LIX1L: variants seen among roughly 807,000 people sequenced by gnomAD.
LIX1L encodes the protein limb and CNS expressed 1 like.
A neutral mutation model predicts 34.0 loss-of-function variants in LIX1L; 20 were observed. That is an observed-to-expected ratio of 0.59 (90% CI 0.41 to 0.85). The LOEUF (loss-of-function observed/expected upper bound fraction) is 0.85. Ranked by LOEUF, LIX1L falls within the 40% of genes least tolerant of loss-of-function variation. The pLI is 0.00. For missense variants in LIX1L, 397 were observed against 447.0 expected (o/e 0.89, Z 1.01); for synonymous variants, 170 against 187.4 (o/e 0.91, Z 0.76).
chr1:145,946,118 CAAAA>C (rs1248654845), intron 2 of LIX1L, among the ~76,000 whole-genome samples: 1 of 146,120 alleles, frequency 6.8e-6, no homozygotes, highest in African/African-American at 2.5e-5. Flanking sequence ...AACAAAAAAA[CAAAA>C]AAACAAAAAA....
At chr1:145,954,637 C>T (rs587669374) in intron 1 of LIX1L, among the ~76,000 whole-genome samples, 1 of 152,130 alleles carries the variant, frequency 6.6e-6, no homozygotes, top group South Asian at 2.1e-4. Flanking sequence ...GTGAGTTACT[C>T]GATCCTGCCA....
rs61202396 is a variant in LIX1L at position 145,954,544 on chromosome 1, C to T, written c.292+3092G>A. On this transcript the variant is annotated intron_variant, in intron 1 of 5. Transcript: ENST00000604000. ...CAGGGCAAAATCTCCAATCATGCAG[C>T]CATATTGTAACATAAAAGGATAGCA... Among the ~76,000 whole-genome samples, 112 of 152,240 alleles carry T rather than the reference C, an allele frequency of 7.4e-4. 1 individual carries two copies. In the East Asian group the frequency reaches 0.016, roughly 21 times the overall value.
chr1:145,954,626 A>G (rs1553760186), intron 1 of LIX1L, among the ~76,000 whole-genome samples: 1 of 152,232 alleles, frequency 6.6e-6, no homozygotes, highest in African/African-American at 2.4e-5. Context: ...GAGCAAGGAA[A>G]GTGAGTTACT....
Position 145,936,176 on chromosome 1 carries a change from G to A in LIX1L, c.*134C>T. On this transcript the variant is annotated 3_prime_UTR_variant, in exon 6 of 6. Transcript: ENST00000604000. ...GATCTCTTAGCAAATAGGAATCTAGGTGTAGAATTTATACACATATATATT... is the reference window on the plus strand; with the variant it reads ...GATCTCTTAGCAAATAGGAATCTAGATGTAGAATTTATACACATATATATT... The A allele has an allele frequency of 1.0e-6, 1 of 1,002,616 alleles. No individual in the cohort carries two copies. The highest frequency in any genetic ancestry group is 1.8e-5 in the South Asian group (1 of 54,370). The allele number at this position is 1,002,616 out of a possible 1,614,324, so 62.1% of individuals were successfully genotyped here. A position where few individuals can be genotyped will look rare whatever the true frequency, so the allele number is the denominator to read the frequency against.
At chr1:145,950,873 C>T (rs1649276375) in intron 1 of LIX1L, among the ~76,000 whole-genome samples, 1 of 152,110 alleles carries the variant, frequency 6.6e-6, no homozygotes, top group Non-Finnish European at 1.5e-5. Context: ...TATGGATGAC[C>T]CAGAGTGGGC....
At chr1:145,953,831 A>T (rs868979194) in intron 1 of LIX1L, among the ~76,000 whole-genome samples, 7 of 152,174 alleles carry the variant, frequency 4.6e-5, no homozygotes, top group African/African-American at 7.2e-5. Flanking sequence ...AAGCAGGATG[A>T]TCACTTGAGG....
chr1:145,945,598 A>T (rs1333343467), intron 2 of LIX1L, among the ~76,000 whole-genome samples: 8 of 151,618 alleles, frequency 5.3e-5, no homozygotes, highest in African/African-American at 1.9e-4. Flanking sequence ...AATACAAAAA[A>T]TTAGCTGAGC....
intron 3 of LIX1L, among the ~76,000 whole-genome samples, chr1:145,940,528 C>CT (rs1229568570): frequency 4.3e-4 from 41 of 95,296 alleles, no homozygotes; most frequent in South Asian, 6.8e-4. Flanking sequence ...TGTATTTTTT[C>CT]TTTTTTTTTT....
intron 3 of LIX1L, among the ~76,000 whole-genome samples, chr1:145,942,408 C>T (rs782488080): frequency 2.3e-4 from 35 of 152,054 alleles, no homozygotes; most frequent in Non-Finnish European, 8.8e-5. Flanking sequence ...AAAATTGAAG[C>T]TCAATTTTCA....
chr1:145,948,667 T>C lies in LIX1L; in HGVS notation c.293-885A>G, dbSNP rs1649188183. On this transcript the variant is annotated intron_variant, in intron 1 of 5. Coordinates refer to ENST00000604000, the MANE Select transcript of LIX1L (RefSeq NM_153713.3). The surrounding 1 kb of genome is among the most constrained non-coding windows in gnomAD (Gnocchi z 4.0). Reference sequence around the variant, plus strand: ...GCGAAGCAATGCAATGGGAAGCAATTGGAGGACTTTAAAAAGAAGCACTCC... The same window carrying C: ...GCGAAGCAATGCAATGGGAAGCAATCGGAGGACTTTAAAAAGAAGCACTCC... 1 of 152,256 alleles carries C rather than the reference T, an allele frequency of 6.6e-6. No individual in the cohort carries two copies. Among genetic ancestry groups the C allele is most frequent in the South Asian group, 2.1e-4 (1 of 4,836 alleles). The allele number at this position is 152,256 out of a possible 1,614,324, so 9.4% of individuals were successfully genotyped here. A position where few individuals can be genotyped will look rare whatever the true frequency, so the allele number is the denominator to read the frequency against.
chr1:145,950,962 A>G (rs1649278744), intron 1 of LIX1L, among the ~76,000 whole-genome samples: 2 of 152,244 alleles, frequency 1.3e-5, no homozygotes, highest in African/African-American at 4.8e-5. Flanking sequence ...TATACACGTT[A>G]GCAAAACTTT....
chr1:145,937,254 C>T (rs143506659), intron 4 of LIX1L: 3,132 of 190,066 alleles, frequency 0.016, 133 homozygotes, highest in African/African-American at 0.07. Context: ...CAGCTCACTG[C>T]AACCTCTGCT....
intron 3 of LIX1L, among the ~76,000 whole-genome samples, chr1:145,938,912 A>G (rs1648772548): frequency 1.3e-5 from 2 of 151,986 alleles, no homozygotes; most frequent in Non-Finnish European, 2.9e-5. Context: ...ATTAGGTATT[A>G]TAAGTACTCT....
chr1:145,957,045 G>C (rs1313798604), intron 1 of LIX1L, among the ~76,000 whole-genome samples: 1 of 152,242 alleles, frequency 6.6e-6, no homozygotes, highest in Non-Finnish European at 1.5e-5. Flanking sequence ...AAGCTGCTGT[G>C]AGTTCAGTGG....
intron 1 of LIX1L, among the ~76,000 whole-genome samples, chr1:145,956,592 C>T (rs1413401380): frequency 2.0e-5 from 3 of 152,124 alleles, no homozygotes; most frequent in Admixed American, 1.3e-4. Context: ...CAGAAAAGCC[C>T]TGTAACTTTT....
rs1312403507 is a variant in LIX1L at position 145,948,140 on chromosome 1, T to C, written c.293-358A>G. ...ATGTCAGCAGACCATTATCACTGCC[T>C]GATGAAATACAAGCAGATTATTCCA... is the stretch of plus-strand genomic sequence containing the variant. On this transcript the variant is annotated intron_variant, in intron 1 of 5. Coordinates refer to ENST00000604000, the MANE Select transcript of LIX1L (RefSeq NM_153713.3). This position sits in a 1 kb window ranked among gnomAD's most constrained non-coding sequence, Gnocchi z 4.0. 3.3e-5 allele frequency among the ~76,000 whole-genome samples: 5 copies of C among 152,204 alleles called. No individual in the cohort carries two copies. The East Asian group carries it at 9.6e-4, about 29-fold the overall frequency.
intron 4 of LIX1L, 143 bp from the exon 5 acceptor site, chr1:145,937,128 ATATTTAT>A (rs1223705111): frequency 3.6e-5 from 7 of 195,158 alleles, no homozygotes; most frequent in South Asian, 1.6e-4. Context: ...GGGAAGAAAA[ATATTTAT>A]TTATTTATTT....
At chr1:145,957,503 G>T in intron 1 of LIX1L, 133 bp downstream of exon 1, 1 of 1,244,136 alleles carries the variant, frequency 8.0e-7, no homozygotes, top group Non-Finnish European at 1.0e-6. Flanking sequence ...GTGCGTGTGC[G>T]TAGCCCAGAA....
chr1:145,951,520 CA>C (rs1649299996), intron 1 of LIX1L, among the ~76,000 whole-genome samples: 1 of 152,072 alleles, frequency 6.6e-6, no homozygotes, highest in Admixed American at 6.6e-5. Context: ...AGCATGAGGG[CA>C]CATGTCATTA....
Sources: allele counts gnomAD v4.1 joint callset (sites outside exome capture counted in the v4.1 genomes callset), GRCh38; gene constraint gnomAD v4.1.1; non-coding constraint Gnocchi (gnomAD v3.1); transcripts MANE v1.5; gene names NCBI Gene and HGNC (gene_info 2026-07-23, HGNC 2026-07-21).